The following DLGAP1 variants were observed in gnomAD, a reference collection of about 807,000 sequenced individuals.
The protein encoded by DLGAP1 is DLG associated protein 1, also known as disks large-associated protein 1.
DLGAP1 carries 11 observed loss-of-function variants against 90.8 expected under a neutral mutation model. The ratio of observed to expected loss-of-function variants is 0.12; its 90% CI spans 0.08 to 0.20. The LOEUF is 0.20. Ranked by LOEUF, DLGAP1 falls within the 10% of genes least tolerant of loss-of-function variation. The pLI is 1.00. For missense variants in DLGAP1, 1,050 were observed against 1,333.8 expected, an observed-to-expected ratio of 0.79 and a Z score of 3.31; for synonymous variants, 558 against 540.7, an observed-to-expected ratio of 1.03 and a Z score of -0.44.
At chr18:3,646,555 A>G (rs2059121608) in intron 7 of DLGAP1, among the ~76,000 whole-genome samples, 1 of 152,228 alleles carries the variant, frequency 6.6e-6, no homozygotes, top group Admixed American at 6.5e-5. Flanking sequence ...CCATTAGATT[A>G]CATGTAATAA....
intron 2 of DLGAP1, among the ~76,000 whole-genome samples, chr18:4,015,501 T>C (rs989514846): frequency 3.3e-5 from 5 of 152,238 alleles, no homozygotes; most frequent in Non-Finnish European, 7.3e-5. Context: ...CACTTTCTAA[T>C]GTATCCAGAA....
rs182262643 is a variant in DLGAP1, at chr18:4,084,334, T to C, written c.-159+66846A>G. Among the ~76,000 whole-genome samples the C allele has an allele frequency of 2.3e-4, 35 of 152,324 alleles. No individual in the cohort carries two copies. The highest frequency in any genetic ancestry group is 2.0e-3 in the Admixed American group (30 of 15,296). Reference sequence around the variant, plus strand: ...AGGAAAAATGATTGTTTACCATAACTCATTTAACAATCTTTCCATTGTTAA... The same window carrying C: ...AGGAAAAATGATTGTTTACCATAACCCATTTAACAATCTTTCCATTGTTAA... On this transcript the variant is annotated intron_variant, in intron 2 of 12. Coordinates refer to ENST00000315677, the MANE Select transcript of DLGAP1 (RefSeq NM_004746.4). This position sits in a 1 kb window ranked among gnomAD's most constrained non-coding sequence, Gnocchi z 4.0.
rs2062219973 is a variant in DLGAP1, at chr18:3,727,298, G to C, written c.1591+1837C>G. 6.6e-6 allele frequency among the ~76,000 whole-genome samples: 1 copy of C among 152,126 alleles called. No homozygotes were observed. Among genetic ancestry groups the C allele is most frequent in the Admixed American group, 6.5e-5 (1 of 15,276 alleles). The stretch of plus-strand genomic sequence containing the variant: ...ATGTGTGTTTGGAGTGAAGAGCATG[G>C]GACAGGCGCTGATGCAGGAAGTGTA... On this transcript the variant is annotated intron_variant, in intron 7 of 12. Transcript: ENST00000315677. This position sits in a 1 kb window ranked among gnomAD's most constrained non-coding sequence, Gnocchi z 4.7.
intron 3 of DLGAP1, among the ~76,000 whole-genome samples, chr18:3,931,351 T>C (rs1255487723): frequency 6.6e-6 from 1 of 152,166 alleles, no homozygotes; most frequent in Non-Finnish European, 1.5e-5. Flanking sequence ...AGTTCTGCCC[T>C]GTTCACCGGG....
At chr18:4,031,686 T>C (rs2074799199) in intron 2 of DLGAP1, among the ~76,000 whole-genome samples, 2 of 152,202 alleles carry the variant, frequency 1.3e-5, no homozygotes, top group Non-Finnish European at 2.9e-5. Flanking sequence ...GATGAGTCTT[T>C]GAGGGATCTG....
At chr18:4,375,851 G>T (rs1350644802) in intron 1 of DLGAP1, among the ~76,000 whole-genome samples, 1 of 152,084 alleles carries the variant, frequency 6.6e-6, no homozygotes, top group African/African-American at 2.4e-5. Context: ...CTTATTTCCA[G>T]TTAATATTTA....
intron 7 of DLGAP1, among the ~76,000 whole-genome samples, chr18:3,600,704 A>ATAGATATATAGCTATCTG (rs1555695311): frequency 1.5e-5 from 1 of 65,230 alleles, no homozygotes; most frequent in East Asian, 3.4e-4. Flanking sequence ...ATAGATATCT[A>ATAGATATATAGCTATCTG]TAGCTATATA....
In DLGAP1 at chr18:3,600,863, T is replaced by G. The variant is rs866442581; in HGVS notation, c.1592-18615A>C. 6.8e-3 allele frequency among the ~76,000 whole-genome samples: 445 copies of G among 65,390 alleles called. 10 individuals carry two copies. The highest frequency in any genetic ancestry group is 0.031 in the East Asian group (73 of 2,364). 42.9% of individuals were successfully genotyped at this position (65,390 alleles called of 152,430 possible). A position where few individuals can be genotyped will look rare whatever the true frequency, so the allele number is the denominator to read the frequency against. ...ATATATATAGATATATAGATATATA[T>G]AGATATATAGATATATAGATAGATA... is the stretch of plus-strand genomic sequence containing the variant. On this transcript the variant is annotated intron_variant, in intron 7 of 12. Coordinates refer to ENST00000315677, the MANE Select transcript of DLGAP1 (RefSeq NM_004746.4).
chr18:4,300,196 T>G (rs1261385182), intron 1 of DLGAP1, among the ~76,000 whole-genome samples: 1 of 152,160 alleles, frequency 6.6e-6, no homozygotes, highest in Non-Finnish European at 1.5e-5. Flanking sequence ...ATAACAATAT[T>G]TAAACTTATT....
At chr18:4,363,285 A>C (rs932113916) in intron 1 of DLGAP1, among the ~76,000 whole-genome samples, 1 of 152,196 alleles carries the variant, frequency 6.6e-6, no homozygotes, top group Non-Finnish European at 1.5e-5. Flanking sequence ...GCTCGCACAT[A>C]CACAGGGGAG....
chr18:3,614,477 A>G (rs1442503172), intron 7 of DLGAP1, among the ~76,000 whole-genome samples: 2 of 152,178 alleles, frequency 1.3e-5, no homozygotes, highest in Admixed American at 1.3e-4. Context: ...CAAAACACTC[A>G]TAATATTTGA....
Position 3,814,135 on chromosome 18 carries a change from A to G in DLGAP1, c.1096T>C (p.Ser366Pro). 1.2e-6 allele frequency: 2 copies of G among 1,613,962 alleles called. No homozygotes were observed. The highest frequency in any genetic ancestry group is 1.7e-6 in the Non-Finnish European group (2 of 1,179,990). Reference sequence around the variant, plus strand: ...TCTCTCCGCGCAGCAACTTTTGGAGAAGGCTTAGGACTCGTGTCTGAGTCT... The same window carrying G: ...TCTCTCCGCGCAGCAACTTTTGGAGGAGGCTTAGGACTCGTGTCTGAGTCT... ...SGDSDTSPKP[S>P]PKVAARRESY... Residue 366 changes from serine to proline, a missense_variant, in exon 5 of 13, where the codon TCT becomes CCT. Around this residue, in one of 2 missense-constraint regions of DLGAP1, gnomAD observed 565 missense variants for 879.7 expected, o/e 0.64. Transcript: ENST00000315677.
chr18:3,797,228 A>G (rs2066039806), intron 5 of DLGAP1, among the ~76,000 whole-genome samples: 1 of 151,680 alleles, frequency 6.6e-6, no homozygotes, highest in Admixed American at 6.6e-5. Context: ...GCTACTCAGG[A>G]GGCAGGGGAA....
intron 5 of DLGAP1, among the ~76,000 whole-genome samples, chr18:3,749,148 C>CTTTTTTTTTTTTT (rs776707431): frequency 1.7e-5 from 2 of 120,666 alleles, no homozygotes; most frequent in Admixed American, 8.7e-5. Context: ...TCTTCTTCTT[C>CTTTTTTTTTTTTT]TTTTTTTTTT....
At chr18:3,901,361 C>T (rs1386114892) in intron 3 of DLGAP1, among the ~76,000 whole-genome samples, 3 of 152,184 alleles carry the variant, frequency 2.0e-5, no homozygotes, top group Non-Finnish European at 4.4e-5. Flanking sequence ...TCCTTCTCAT[C>T]CTCTCTTCTC....
intron 11 of DLGAP1, among the ~76,000 whole-genome samples, chr18:3,505,562 C>G (rs1163131736): frequency 6.8e-6 from 1 of 147,300 alleles, no homozygotes; most frequent in East Asian, 2.0e-4. Context: ...TGCTTGAACC[C>G]GTGAGGCAGA....
intron 3 of DLGAP1, among the ~76,000 whole-genome samples, chr18:3,950,956 G>A (rs2072973347): frequency 6.6e-6 from 1 of 152,194 alleles, no homozygotes; most frequent in South Asian, 2.1e-4. Context: ...CTGGAGGAGA[G>A]TCCAAACCTG....
At chr18:4,115,399 C>T (rs1158166479) in intron 2 of DLGAP1, among the ~76,000 whole-genome samples, 2 of 151,738 alleles carry the variant, frequency 1.3e-5, no homozygotes, top group Non-Finnish European at 2.9e-5. Context: ...ATATAGTTTG[C>T]TGTATTAACC....
At chr18:3,859,139 A>G (rs1353367637) in intron 4 of DLGAP1, among the ~76,000 whole-genome samples, 1 of 152,218 alleles carries the variant, frequency 6.6e-6, no homozygotes, top group Non-Finnish European at 1.5e-5. Context: ...GATTTCAAAT[A>G]GTGATTTGAA....
Sources: allele counts gnomAD v4.1 joint callset (sites outside exome capture counted in the v4.1 genomes callset), GRCh38; gene constraint gnomAD v4.1.1; regional missense constraint gnomAD v4.1.1; non-coding constraint Gnocchi (gnomAD v3.1); transcripts MANE v1.5; gene names NCBI Gene and HGNC (gene_info 2026-07-23, HGNC 2026-07-21).